Variants in BTN3A1 observed in about 807,000 individuals in gnomAD.
The protein encoded by BTN3A1 is butyrophilin subfamily 3 member A1.
BTN3A1 carries 24 observed loss-of-function variants against 43.0 expected under a neutral mutation model. The ratio of observed to expected loss-of-function variants is 0.56; its 90% confidence interval spans 0.40 to 0.78. The LOEUF is 0.78. Among genes scored for constraint, BTN3A1 ranks in the 30% least tolerant of loss-of-function variants. BTN3A1 has a pLI of 0.00. For synonymous variants in BTN3A1, 181 were observed against 234.7 expected (o/e 0.77, Z 2.09); for missense variants, 533 against 626.2 (o/e 0.85, Z 1.59).
At chr6:26,410,095 C>T (rs2113801287) in intron 7 of BTN3A1, 63 bp downstream of exon 7, 1 of 1,596,988 alleles carries the variant, frequency 6.3e-7, no homozygotes, top group Non-Finnish European at 8.6e-7. Context: ...GAATAGTTTC[C>T]ACTCTTAACT....
At chr6:26,411,034 A>C in intron 7 of BTN3A1, 75 bp from the exon 8 acceptor site, 3 of 789,110 alleles carry the variant, frequency 3.8e-6, no homozygotes, top group Non-Finnish European at 6.1e-6. Context: ...GATTAGATGG[A>C]TGTAAAGTTA....
intron 9 of BTN3A1, 86 bp from the exon 10 acceptor site, chr6:26,413,083 C>T (rs1762273963): frequency 6.5e-7 from 1 of 1,536,274 alleles, no homozygotes; most frequent in South Asian, 1.3e-5. Context: ...CAGACCTCCT[C>T]AGCATGGCCC....
intron 9 of BTN3A1, 27 bp from the exon 10 acceptor site, chr6:26,413,142 A>G: frequency 6.3e-7 from 1 of 1,589,732 alleles, no homozygotes. Context: ...GGTTGACCTC[A>G]TGGACACTTC....
rs1762017052 is a variant in BTN3A1, at chr6:26,406,254, C to T, written c.431C>T (p.Ala144Val). The change falls in exon 3 of 10, where the codon GCA (alanine) becomes GTA (valine). Residue 144 changes from alanine to valine, a missense_variant and splice_region_variant. Transcript: ENST00000289361. The part of the protein sequence containing the change: ...YEKALVELKV[A>V]ALGSDLHVDV... Reference sequence around the variant, plus strand: ...AAAGCCCTGGTGGAGCTGAAGGTTGCAGGTGAGCCTCCAGGTTTTGTTCTG... The same window carrying T: ...AAAGCCCTGGTGGAGCTGAAGGTTGTAGGTGAGCCTCCAGGTTTTGTTCTG... 8.8e-7 allele frequency: 1 copy of T among 1,135,682 alleles called. No homozygotes were observed. Among genetic ancestry groups the T allele is most frequent in the Non-Finnish European group, 1.3e-6 (1 of 798,590 alleles). The allele number at this position is 1,135,682 out of a possible 1,614,324, so 70.4% of individuals were successfully genotyped here.
At position 26,402,406 on chromosome 6, in the gene BTN3A1, C is replaced by CTAAGAGGTGAGTGGGGGAAGTCGA. The variant is rs1761882794; in HGVS notation, c.-197_-193+19dup. On this transcript the variant is annotated 5_prime_UTR_variant, in exon 1 of 10. Coordinates refer to ENST00000289361, the MANE Select transcript of BTN3A1 (RefSeq NM_007048.6). ...GGGCTGTGATTTTCAGAGGGGAATG[C>CTAAGAGGTGAGTGGGGGAAGTCGA]TAAGAGGTGAGTGGGGGAAGTCGAT... 6.6e-6 allele frequency: 1 copy of CTAAGAGGTGAGTGGGGGAAGTCGA among 152,254 alleles called. No homozygotes were observed. Among genetic ancestry groups the CTAAGAGGTGAGTGGGGGAAGTCGA allele is most frequent in the South Asian group, 2.1e-4 (1 of 4,818 alleles). The allele number at this position is 152,254 out of a possible 1,614,324, so 9.4% of individuals were successfully genotyped here.
chr6:26,410,218 A>G (rs1022916345), intron 7 of BTN3A1, among the ~76,000 whole-genome samples, 186 bp downstream of exon 7: 14 of 151,982 alleles, frequency 9.2e-5, no homozygotes, highest in African/African-American at 9.7e-5. Flanking sequence ...AAGAGAAGAA[A>G]GGAAAAAAGA....
Position 26,407,879 on chromosome 6 carries a change from T to C in BTN3A1, c.642T>C (p.Ser214=), listed in dbSNP as rs1762075087. The change falls in exon 4 of 10, where the codon TCT becomes TCC. Residue 214 remains serine (S), a synonymous_variant. Coordinates refer to ENST00000289361, the MANE Select transcript of BTN3A1 (RefSeq NM_007048.6). ...VAASVIMRGS[S]GEGVSCTIRS... is the part of the protein sequence containing the mutation. The stretch of plus-strand genomic sequence containing the variant: ...CATCTGTGATCATGAGAGGCAGCTC[T>C]GGGGAGGGTGTATCCTGTACCATCA... 2 of 1,614,090 alleles carry C rather than the reference T, an allele frequency of 1.2e-6. No individual in the cohort carries two copies. Among genetic ancestry groups the C allele is most frequent in the South Asian group, 2.2e-5 (2 of 91,082 alleles).
intron 4 of BTN3A1, among the ~76,000 whole-genome samples, chr6:26,408,924 CA>C (rs1762110456): frequency 2.0e-5 from 3 of 152,158 alleles, no homozygotes; most frequent in Admixed American, 2.0e-4. Flanking sequence ...TTTTTATTTA[CA>C]TTTTTTTAAG....
At chr6:26,409,470 G>T in intron 4 of BTN3A1, 63 bp from the exon 5 acceptor site, 1 of 1,488,654 alleles carries the variant, frequency 6.7e-7, no homozygotes, top group Admixed American at 1.7e-5. Flanking sequence ...AACACTTGGG[G>T]CGCTGCAGTC....
At chr6:26,407,640 C>T (rs765464636) in intron 3 of BTN3A1, 31 bp from the exon 4 acceptor site, 2 of 1,607,910 alleles carry the variant, frequency 1.2e-6, no homozygotes, top group Non-Finnish European at 1.7e-6. Context: ...ACAGGCCTCT[C>T]AAGAATTTAG....
At position 26,414,050 on chromosome 6, in the gene BTN3A1, C is replaced by T; in HGVS notation, c.*358C>T. ...GTTAACAACACAGCTGGGATCTAAACAGCAATAACTAACATTAATGGAGAA... is the reference window on the plus strand; with the variant it reads ...GTTAACAACACAGCTGGGATCTAAATAGCAATAACTAACATTAATGGAGAA... On this transcript the variant is annotated 3_prime_UTR_variant, in exon 10 of 10. Transcript: ENST00000289361. 3.0e-6 allele frequency: 1 copy of T among 331,918 alleles called. No individual in the cohort carries two copies. Among genetic ancestry groups the T allele is most frequent in the South Asian group, 2.7e-5 (1 of 36,798 alleles). The allele number at this position is 331,918 out of a possible 1,614,324, so 20.6% of individuals were successfully genotyped here. A position where few individuals can be genotyped will look rare whatever the true frequency, so the allele number is the denominator to read the frequency against.
chr6:26,402,721 A>G (rs1420951268), intron 1 of BTN3A1, among the ~76,000 whole-genome samples: 1 of 144,880 alleles, frequency 6.9e-6, no homozygotes, highest in Non-Finnish European at 1.5e-5. Context: ...CATCTATTCT[A>G]AGAGATTCTA....
intron 9 of BTN3A1, chr6:26,411,786 A>C (rs1171291444): frequency 1.7e-6 from 1 of 604,000 alleles, no homozygotes; most frequent in Non-Finnish European, 2.9e-6. Flanking sequence ...ACCAGGGCGA[A>C]TAGATCTCTT....
At chr6:26,412,513 G>A in intron 9 of BTN3A1, 1 of 1,549,994 alleles carries the variant, frequency 6.5e-7, no homozygotes, top group Non-Finnish European at 8.7e-7. Flanking sequence ...GGGCCCAGAA[G>A]AGGGTGGAGA....
chr6:26,412,350 G>A, intron 9 of BTN3A1: 1 of 702,158 alleles, frequency 1.4e-6, no homozygotes, highest in Non-Finnish European at 2.6e-6. Context: ...CTGCTGGCAG[G>A]GAGGAAGCAG....
intron 9 of BTN3A1, 182 bp from the exon 10 acceptor site, chr6:26,412,987 A>G: frequency 6.8e-7 from 1 of 1,459,992 alleles, no homozygotes; most frequent in Non-Finnish European, 9.0e-7. Context: ...CTCTGGACAC[A>G]AGATACCTGA....
intron 1 of BTN3A1, among the ~76,000 whole-genome samples, chr6:26,402,737 AG>A (rs11335044): frequency 0.15 from 22,791 of 152,238 alleles, 4,685 homozygotes; most frequent in African/African-American, 0.46. Context: ...TTCTAAAAAG[AG>A]GTGTCCTTTA....
Position 26,413,256 on chromosome 6 carries a change from A to G in BTN3A1, c.1106A>G (p.Gln369Arg), listed in dbSNP as rs756046564. 16 of 1,614,182 alleles carry G rather than the reference A, an allele frequency of 9.9e-6. No homozygotes were observed. The highest frequency in any genetic ancestry group is 1.3e-5 in the Non-Finnish European group (15 of 1,180,034). The change falls in exon 10 of 10, where the codon CAG (glutamine) becomes CGG (arginine). Residue 369 changes from glutamine to arginine, a missense_variant. Gln to Arg is a conservative substitution (Grantham distance 43). Coordinates refer to ENST00000289361, the MANE Select transcript of BTN3A1 (RefSeq NM_007048.6). ...AGTGTGCAGCGTGCCAAGGAGCCCCAGGATCTGCCAGACAACCCTGAGAGA... is the reference window on the plus strand; with the variant it reads ...AGTGTGCAGCGTGCCAAGGAGCCCCGGGATCTGCCAGACAACCCTGAGAGA... The part of the protein sequence containing the change: ...QRSVQRAKEP[Q>R]DLPDNPERFN...
In BTN3A1 at chr6:26,409,743, C is replaced by G; in HGVS notation, c.916+10C>G. 6.4e-7 allele frequency: 1 copy of G among 1,573,304 alleles called. No individual in the cohort carries two copies. Among genetic ancestry groups the G allele is most frequent in the Non-Finnish European group, 8.6e-7 (1 of 1,163,264 alleles). On this transcript the variant is annotated intron_variant, in intron 5 of 9. Coordinates refer to ENST00000289361, the MANE Select transcript of BTN3A1 (RefSeq NM_007048.6). ...GAACAAAGCACAAGAGGTAGCTGACCTTGGGAGTTTATCTGAGCCCCTGGC... is the reference window on the plus strand; with the variant it reads ...GAACAAAGCACAAGAGGTAGCTGACGTTGGGAGTTTATCTGAGCCCCTGGC...
Sources: gnomAD v4.1 joint callset for allele counts (sites outside exome capture counted in the v4.1 genomes callset) on GRCh38, gnomAD v4.1.1 for gene constraint, MANE v1.5 for transcripts, NCBI Gene and HGNC (gene_info 2026-07-23, HGNC 2026-07-21) for gene names.